The following SAMD12 variants were observed in gnomAD, a reference collection of about 807,000 sequenced individuals.
The protein encoded by SAMD12 is sterile alpha motif domain containing 12.
Under a neutral mutation model 15.0 loss-of-function variants are expected in SAMD12, and 9 were observed. That is an observed-to-expected ratio of 0.60 (90% confidence interval 0.36 to 1.05). The LOEUF (loss-of-function observed/expected upper bound fraction) is 1.05. SAMD12 is among the 50% of genes least tolerant of loss of function. SAMD12 has a pLI of 0.01. For missense variants in SAMD12, 230 were observed against 234.2 expected (o/e 0.98, Z 0.12); for synonymous variants, 86 against 90.1 (o/e 0.96, Z 0.25).
chr8:118,382,624 C>T (rs1819732492), intron 3 of SAMD12, among the ~76,000 whole-genome samples: 1 of 152,184 alleles, frequency 6.6e-6, no homozygotes, highest in Admixed American at 6.5e-5. Context: ...GAACAGTTCA[C>T]ATATTAAATG....
At chr8:118,540,559 A>T (rs146650678) in intron 2 of SAMD12, among the ~76,000 whole-genome samples, 170 of 152,280 alleles carry the variant, frequency 1.1e-3, no homozygotes, top group African/African-American at 3.5e-3. Flanking sequence ...GGTTGATGGA[A>T]AGTTAAGAAT....
Position 118,550,196 on chromosome 8 carries a change from T to C in SAMD12, c.192+30519A>G, listed in dbSNP as rs191233971. Among the ~76,000 whole-genome samples, 1,272 of 152,040 alleles carry C rather than the reference T, an allele frequency of 8.4e-3. 25 individuals are homozygous for C. Among genetic ancestry groups the C allele is most frequent in the African/African-American group, 0.028 (1,177 of 41,402 alleles). On this transcript the variant is annotated intron_variant, in intron 2 of 3. Transcript: ENST00000314727. ...CAGAGAACGCCACAAAGATACTCCT[T>C]GAGAAGAGCAACTCCAAGACACATA...
chr8:118,303,917 A>C (rs1815176059), intron 4 of SAMD12, among the ~76,000 whole-genome samples: 1 of 152,182 alleles, frequency 6.6e-6, no homozygotes, highest in Non-Finnish European at 1.5e-5. Flanking sequence ...ATTGTTGGCT[A>C]TAAAAGCCCG....
At chr8:118,611,629 T>C (rs1828113874) in intron 1 of SAMD12, among the ~76,000 whole-genome samples, 1 of 152,154 alleles carries the variant, frequency 6.6e-6, no homozygotes, top group Admixed American at 6.5e-5. Context: ...AATAATCATG[T>C]TTTTCCTCCA....
chr8:118,382,641 T>G (rs1270574073), intron 3 of SAMD12, among the ~76,000 whole-genome samples: 1 of 152,234 alleles, frequency 6.6e-6, no homozygotes, highest in Non-Finnish European at 1.5e-5. Flanking sequence ...AATGTCCAAC[T>G]GTTCAAATTA....
At chr8:118,340,612 T>A (rs941344249) in intron 4 of SAMD12, among the ~76,000 whole-genome samples, 11 of 152,032 alleles carry the variant, frequency 7.2e-5, no homozygotes, top group African/African-American at 2.4e-4. Context: ...TCACTAAAAA[T>A]ACAAAAATTA....
chr8:118,239,177 C>T lies in SAMD12; in HGVS notation c.434-41445G>A, dbSNP rs560143308. On this transcript the variant is annotated intron_variant, in intron 4 of 4. Coordinates refer to the SAMD12 transcript ENST00000409003. ...GAATGGTATGGTGATGATTATAATG[C>T]TGATAATTATCAACCATGGATCACC... Among the ~76,000 whole-genome samples the T allele has an allele frequency of 2.6e-5, 4 of 152,126 alleles. No individual in the cohort carries two copies. In the South Asian group the frequency reaches 8.3e-4, roughly 32 times the overall value.
At chr8:118,356,849 C>G (rs2130620543) in intron 4 of SAMD12, among the ~76,000 whole-genome samples, 1 of 152,308 alleles carries the variant, frequency 6.6e-6, no homozygotes, top group African/African-American at 2.4e-5. Flanking sequence ...AGGCCAACCA[C>G]CTGCACTCAC....
At chr8:118,543,376 AT>A (rs566870628) in intron 2 of SAMD12, among the ~76,000 whole-genome samples, 111 of 152,270 alleles carry the variant, frequency 7.3e-4, no homozygotes, top group Non-Finnish European at 1.2e-3. Flanking sequence ...GTTGCCTAGT[AT>A]TTCTCTGTAG....
At chr8:118,328,224 T>G (rs1382250936) in intron 4 of SAMD12, among the ~76,000 whole-genome samples, 1 of 152,150 alleles carries the variant, frequency 6.6e-6, no homozygotes, top group Non-Finnish European at 1.5e-5. Context: ...GTTACAAATT[T>G]TATTGCTTCC....
chr8:118,604,571 C>T (rs1289454822), intron 1 of SAMD12, among the ~76,000 whole-genome samples: 1 of 151,992 alleles, frequency 6.6e-6, no homozygotes, highest in African/African-American at 2.4e-5. Flanking sequence ...AACATGAAAC[C>T]CCAAAAGAAA....
At position 118,470,875 on chromosome 8, in the gene SAMD12, T is replaced by G. The variant is rs141263844; in HGVS notation, c.193-30914A>C. ...AATTAAAGAGATCTGAATCCTCTAT[T>G]TCATCTGACATAAGACAGTAATGAT... is the stretch of plus-strand genomic sequence containing the variant. On this transcript the variant is annotated intron_variant, in intron 2 of 3. Coordinates refer to ENST00000314727, the MANE Select transcript of SAMD12 (RefSeq NM_207506.3). 5.3e-5 allele frequency among the ~76,000 whole-genome samples: 8 copies of G among 152,328 alleles called. No individual in the cohort carries two copies. The East Asian group carries it at 1.5e-3, about 29-fold the overall frequency.
rs920684257 is a variant in SAMD12, at chr8:118,447,047, T to C, written c.193-7086A>G. On this transcript the variant is annotated intron_variant, in intron 2 of 3. Transcript: ENST00000314727. The stretch of plus-strand genomic sequence containing the variant: ...TACATTTCATATCATAGAAACTCTA[T>C]GCTTCCCGCTGTGGAGGCCCTGCAT... Among the ~76,000 whole-genome samples, 4 of 152,218 alleles carry C rather than the reference T, an allele frequency of 2.6e-5. No homozygotes were observed. In the South Asian group the frequency reaches 8.3e-4, roughly 31 times the overall value.
chr8:118,529,166 A>C (rs934953459), intron 2 of SAMD12, among the ~76,000 whole-genome samples: 1 of 152,140 alleles, frequency 6.6e-6, no homozygotes, highest in African/African-American at 2.4e-5. Context: ...CTTACACTAT[A>C]CCAGGAGTTC....
At chr8:118,472,168 C>T (rs1823817596) in intron 2 of SAMD12, among the ~76,000 whole-genome samples, 1 of 152,086 alleles carries the variant, frequency 6.6e-6, no homozygotes, top group South Asian at 2.1e-4. Context: ...GTGCCCGTAG[C>T]CCCAGCTATT....
At chr8:118,371,803 T>C (rs553002344) in intron 4 of SAMD12, among the ~76,000 whole-genome samples, 25 of 152,206 alleles carry the variant, frequency 1.6e-4, no homozygotes, top group African/African-American at 5.8e-4. Context: ...GGTGAGATTG[T>C]CCAGGCAGCA....
chr8:118,592,710 G>C (rs1019874183), intron 1 of SAMD12, among the ~76,000 whole-genome samples: 2 of 152,144 alleles, frequency 1.3e-5, no homozygotes, highest in African/African-American at 4.8e-5. Flanking sequence ...CAAATATCTA[G>C]ATCATTTGTA....
intron 2 of SAMD12, among the ~76,000 whole-genome samples, chr8:118,477,802 AG>A (rs1563884284): frequency 6.6e-6 from 1 of 152,046 alleles, no homozygotes; most frequent in African/African-American, 2.4e-5. Context: ...TCATGAGGTC[AG>A]GAGATCGAGA....
At chr8:118,346,586 T>C (rs1412456872) in intron 4 of SAMD12, among the ~76,000 whole-genome samples, 2 of 152,084 alleles carry the variant, frequency 1.3e-5, no homozygotes, top group Admixed American at 1.3e-4. Context: ...TTAAACGGCA[T>C]TGAGAGGGAA....
Sources: gnomAD v4.1 joint callset for allele counts (sites outside exome capture counted in the v4.1 genomes callset) on GRCh38, gnomAD v4.1.1 for gene constraint, MANE v1.5 for transcripts, NCBI Gene and HGNC (gene_info 2026-07-23, HGNC 2026-07-21) for gene names.